The following DGKG variants were observed in gnomAD, a reference collection of about 807,000 sequenced individuals.
The protein encoded by DGKG is diacylglycerol kinase gamma, also known as DAG kinase gamma.
DGKG carries 78 observed loss-of-function variants against 105.3 expected under a neutral mutation model. That is an observed-to-expected ratio of 0.74 (90% CI 0.62 to 0.89). The LOEUF (loss-of-function observed/expected upper bound fraction) is 0.89. Among genes scored for constraint, DGKG ranks in the 40% least tolerant of loss-of-function variants. The pLI is 0.00. For missense variants in DGKG, 958 were observed against 1,020.1 expected, an observed-to-expected ratio of 0.94 and a Z score of 0.83; for synonymous variants, 346 against 367.1, an observed-to-expected ratio of 0.94 and a Z score of 0.66.
At chr3:186,273,754 A>G (rs559326629) in intron 10 of DGKG, among the ~76,000 whole-genome samples, 5 of 152,244 alleles carry the variant, frequency 3.3e-5, no homozygotes, top group Admixed American at 2.0e-4. Flanking sequence ...TCTGTGGCTG[A>G]GGTCACTTGC....
rs182183771 is a variant in DGKG at position 186,300,990 on chromosome 3, A to G, written c.145-2761T>C. Among the ~76,000 whole-genome samples, 488 of 152,328 alleles carry G rather than the reference A, an allele frequency of 3.2e-3. 7 individuals carry two copies. Among genetic ancestry groups the G allele is most frequent in the Non-Finnish European group, 1.8e-3 (125 of 68,032 alleles). On this transcript the variant is annotated intron_variant, in intron 3 of 24. Transcript: ENST00000265022. ...AAAACCAGCTCCTCTTCCTGACTCC[A>G]CAATTTCTGTTAATGCCAATGACAC...
intron 2 of DGKG, among the ~76,000 whole-genome samples, chr3:186,308,528 A>G (rs1442169259): frequency 6.6e-6 from 1 of 152,196 alleles, no homozygotes; most frequent in African/African-American, 2.4e-5. Context: ...AAGCCTAGGT[A>G]AAGTAGACAT....
intron 20 of DGKG, among the ~76,000 whole-genome samples, chr3:186,235,793 G>C (rs943844891): frequency 6.6e-6 from 1 of 152,140 alleles, no homozygotes. Flanking sequence ...TACGTGGTGG[G>C]TGAGGGGAAA....
At chr3:186,167,669 T>TG (rs1035461098) in intron 22 of DGKG, among the ~76,000 whole-genome samples, 1 of 152,226 alleles carries the variant, frequency 6.6e-6, no homozygotes, top group Non-Finnish European at 1.5e-5. Flanking sequence ...GGTGTGATTT[T>TG]GGCAATTCAT....
chr3:186,229,014 A>G (rs189406115), intron 20 of DGKG, among the ~76,000 whole-genome samples: 19 of 152,308 alleles, frequency 1.2e-4, no homozygotes, highest in Admixed American at 1.2e-3. Flanking sequence ...GGTGGGTCCA[A>G]TCCAGTGACT....
rs1013422617 is a variant in DGKG, at chr3:186,147,315, C to T, written c.*2775G>A. 1.0e-6 allele frequency: 1 copy of T among 985,568 alleles called. No individual in the cohort carries two copies. The highest frequency in any genetic ancestry group is 1.7e-5 in the African/African-American group (1 of 57,216). 61.1% of individuals were successfully genotyped at this position (985,568 alleles called of 1,614,324 possible). On this transcript the variant is annotated 3_prime_UTR_variant, in exon 25 of 25. Transcript: ENST00000265022. ...ATAAGAAATAAGGGATTAGGTTCTCCCCTGACTAACCATGTGGCTTTGAGA... is the reference window on the plus strand; with the variant it reads ...ATAAGAAATAAGGGATTAGGTTCTCTCCTGACTAACCATGTGGCTTTGAGA...
rs1374966543 is a variant in DGKG at position 186,297,450 on chromosome 3, T to C, written c.344A>G (p.Lys115Arg). ...TNIQNADNAT[K>R]ADEACAPDTE... ...ATCAGGGGCACAGGCCTCGTCTGCT[T>C]TGGTGGCATTATCTGCATTCTGTAT... Residue 115 changes from lysine (K) to arginine (R), a missense_variant, in exon 5 of 25, where the codon AAA becomes AGA. Lys to Arg is a conservative substitution (Grantham distance 26). Coordinates refer to ENST00000265022, the MANE Select transcript of DGKG (RefSeq NM_001346.3). 9.3e-6 allele frequency: 15 copies of C among 1,613,040 alleles called. No individual in the cohort carries two copies. The highest frequency in any genetic ancestry group is 1.3e-5 in the Non-Finnish European group (15 of 1,178,984).
rs563758721 is a variant in DGKG, at chr3:186,361,454, A to G, written c.-249+492T>C. ...TCCGTGTTCGCTTCAGCTTCCCTTT[A>G]AGTCGCCCTGCGCAGGGGCTTTGTG... On this transcript the variant is annotated intron_variant, in intron 1 of 24. Transcript: ENST00000265022. This position sits in a 1 kb window ranked among gnomAD's most constrained non-coding sequence, Gnocchi z 6.8. Among the ~76,000 whole-genome samples the G allele has an allele frequency of 6.6e-6, 1 of 152,048 alleles. No individual in the cohort carries two copies. Among genetic ancestry groups the G allele is most frequent in the South Asian group, 2.1e-4 (1 of 4,812 alleles).
chr3:186,165,572 A>T (rs1237984530), intron 22 of DGKG, among the ~76,000 whole-genome samples: 3 of 152,228 alleles, frequency 2.0e-5, no homozygotes, highest in Non-Finnish European at 4.4e-5. Context: ...TCAGGACACC[A>T]GGTGCCTAAT....
chr3:186,179,806 T>G (rs1717271233), intron 22 of DGKG, among the ~76,000 whole-genome samples: 1 of 151,716 alleles, frequency 6.6e-6, no homozygotes, highest in African/African-American at 2.4e-5. Flanking sequence ...GAGAGAAGAG[T>G]GAGAATTGGA....
At chr3:186,225,371 A>G (rs191961327) in intron 20 of DGKG, among the ~76,000 whole-genome samples, 21 of 151,106 alleles carry the variant, frequency 1.4e-4, no homozygotes, top group African/African-American at 4.9e-4. Context: ...GTTCACATTT[A>G]TAGCACCAAT....
chr3:186,306,169 A>G (rs1050230252), intron 3 of DGKG, among the ~76,000 whole-genome samples: 1 of 152,164 alleles, frequency 6.6e-6, no homozygotes, highest in African/African-American at 2.4e-5. Context: ...GCATTTCAAG[A>G]AAGTAGGAAA....
At chr3:186,217,933 T>C (rs112451845) in intron 20 of DGKG, among the ~76,000 whole-genome samples, 1,711 of 152,328 alleles carry the variant, frequency 0.011, 18 homozygotes, top group Non-Finnish European at 0.017. Context: ...TTCCTCTTTG[T>C]GGTTTGGACT....
chr3:186,263,124 C>T (rs1458407041), intron 14 of DGKG, among the ~76,000 whole-genome samples: 1 of 124,642 alleles, frequency 8.0e-6, no homozygotes, highest in Non-Finnish European at 1.8e-5. Flanking sequence ...AAGACTCCGT[C>T]TCGGAAAAGA....
At chr3:186,286,604 A>C (rs1015967244) in intron 6 of DGKG, among the ~76,000 whole-genome samples, 5 of 152,210 alleles carry the variant, frequency 3.3e-5, no homozygotes, top group Admixed American at 6.5e-5. Flanking sequence ...TATTATTCCC[A>C]AAAAATACAT....
At chr3:186,225,480 C>T (rs1719814019) in intron 20 of DGKG, among the ~76,000 whole-genome samples, 1 of 152,148 alleles carries the variant, frequency 6.6e-6, no homozygotes, top group Non-Finnish European at 1.5e-5. Context: ...GTTGGAGGGC[C>T]AAGGCTCTTA....
chr3:186,290,930 AG>A (rs1723285536), intron 5 of DGKG, among the ~76,000 whole-genome samples: 1 of 152,250 alleles, frequency 6.6e-6, no homozygotes, highest in Admixed American at 6.5e-5. Context: ...GAGAACCAGG[AG>A]TAATGCCTAT....
intron 3 of DGKG, among the ~76,000 whole-genome samples, chr3:186,299,804 T>TCTTTCTTTCTTTCTTTCTTTCTTA (rs1723798327): frequency 3.0e-5 from 3 of 99,192 alleles, no homozygotes; most frequent in African/African-American, 1.2e-4. Context: ...TTTCTTTCTT[T>TCTTTCTTTCTTTCTTTCTTTCTTA]CTTTCTTTCT....
At chr3:186,193,760 G>T (rs115281561) in intron 21 of DGKG, among the ~76,000 whole-genome samples, 1 of 152,210 alleles carries the variant, frequency 6.6e-6, no homozygotes, top group Non-Finnish European at 1.5e-5. Flanking sequence ...TCCTCCAACT[G>T]TTCCATGACG....
Sources: gnomAD v4.1 joint callset for allele counts (sites outside exome capture counted in the v4.1 genomes callset) on GRCh38, gnomAD v4.1.1 for gene constraint, Gnocchi (gnomAD v3.1) non-coding constraint, MANE v1.5 for transcripts, NCBI Gene and HGNC (gene_info 2026-07-23, HGNC 2026-07-21) for gene names.